ARL13B: variants seen among roughly 807,000 people sequenced by gnomAD.
ARL13B encodes the protein ADP-ribosylation factor-like protein 13B.
A neutral mutation model predicts 56.1 loss-of-function variants in ARL13B; 36 were observed. The observed-to-expected ratio is 0.64, with a 90% CI of 0.49 to 0.85. The LOEUF (loss-of-function observed/expected upper bound fraction) is 0.85, where lower values mean the gene tolerates loss of function less well. ARL13B is among the 40% of genes least tolerant of loss of function. The pLI, the probability that ARL13B is intolerant of heterozygous loss-of-function variation, is 0.00. For synonymous variants in ARL13B, 178 were observed against 171.1 expected (o/e 1.04, Z -0.32); for missense variants, 519 against 507.1 (o/e 1.02, Z -0.23).
chr3:94,036,835 CT>C, intron 5 of ARL13B, 81 bp downstream of exon 5: 2 of 1,445,328 alleles, frequency 1.4e-6, no homozygotes, highest in Non-Finnish European at 1.9e-6. Flanking sequence ...TTAGTTTTAT[CT>C]GTTCAGTTTC....
rs535380412 is a variant in ARL13B, at chr3:94,004,920, G to A, written c.380+1012G>A. On this transcript the variant is annotated intron_variant, in intron 3 of 9. Transcript: ENST00000394222. ...AGAGAGAACTTTGCAGAACCCCATA[G>A]GCTAAATTGGTGTTTACAGATGTTT... Among the ~76,000 whole-genome samples the A allele has an allele frequency of 3.3e-5, 5 of 152,158 alleles. No individual in the cohort carries two copies. In the East Asian group the frequency reaches 7.7e-4, roughly 24 times the overall value.
chr3:94,009,991 T>C (rs969659263), intron 3 of ARL13B, among the ~76,000 whole-genome samples: 4 of 152,108 alleles, frequency 2.6e-5, no homozygotes, highest in South Asian at 2.1e-4. Flanking sequence ...TAGCAAGATA[T>C]TGTCCATGGA....
At chr3:94,007,537 G>A (rs1459634025) in intron 3 of ARL13B, among the ~76,000 whole-genome samples, 4 of 152,168 alleles carry the variant, frequency 2.6e-5, no homozygotes, top group African/African-American at 9.7e-5. Flanking sequence ...GAGGCAAAAG[G>A]CACTTCTTAC....
chr3:93,980,320 T>C lies in ARL13B; in HGVS notation c.-104T>C, dbSNP rs567468494. On this transcript the variant is annotated 5_prime_UTR_variant, in exon 1 of 10. Coordinates refer to ENST00000394222, the MANE Select transcript of ARL13B (RefSeq NM_001174150.2). ...CCTCCCGGCTTTTCCTCCCGACTTATCCACTTTAGGGGCGTCTCGGAGTGC... is the reference window on the plus strand; with the variant it reads ...CCTCCCGGCTTTTCCTCCCGACTTACCCACTTTAGGGGCGTCTCGGAGTGC... The C allele has an allele frequency of 3.0e-4, 435 of 1,466,692 alleles. 1 individual carries two copies. The highest frequency in any genetic ancestry group is 5.4e-4 in the South Asian group (48 of 88,112). 90.9% of individuals were successfully genotyped at this position (1,466,692 alleles called of 1,614,324 possible). A position where few individuals can be genotyped will look rare whatever the true frequency, so the allele number is the denominator to read the frequency against.
intron 3 of ARL13B, among the ~76,000 whole-genome samples, chr3:94,030,772 ATATTT>A (rs1328273255): frequency 6.6e-6 from 1 of 152,176 alleles, no homozygotes; most frequent in African/African-American, 2.4e-5. Flanking sequence ...AGTAGTCTTA[ATATTT>A]AGTAATCATA....
chr3:94,020,957 A>G (rs566097503), intron 3 of ARL13B, among the ~76,000 whole-genome samples: 21 of 152,112 alleles, frequency 1.4e-4, no homozygotes, highest in Middle Eastern at 3.4e-3. Context: ...TTTATTGTCT[A>G]TATTCTACTT....
At chr3:94,032,200 A>G (rs2076688188) in intron 3 of ARL13B, among the ~76,000 whole-genome samples, 1 of 152,240 alleles carries the variant, frequency 6.6e-6, no homozygotes, top group South Asian at 2.1e-4. Context: ...ACTTACAAGG[A>G]AATCAACAAC....
At chr3:93,997,095 T>G (rs374983453) in intron 2 of ARL13B, among the ~76,000 whole-genome samples, 2 of 152,050 alleles carry the variant, frequency 1.3e-5, no homozygotes, top group Admixed American at 6.6e-5. Context: ...ACCATCTAGT[T>G]GCAGGAAAAC....
At chr3:94,016,638 A>G (rs1288619789) in intron 3 of ARL13B, among the ~76,000 whole-genome samples, 8 of 149,176 alleles carry the variant, frequency 5.4e-5, no homozygotes, top group African/African-American at 1.9e-4. Flanking sequence ...GATTTTAATT[A>G]ATTAAGCTTT....
rs758748412 is a variant in ARL13B at position 94,035,322 on chromosome 3, A to G, written c.381-9A>G. 3.8e-6 allele frequency: 6 copies of G among 1,568,334 alleles called. No individual in the cohort carries two copies. In the Admixed American group the frequency reaches 6.7e-5, roughly 18 times the overall value. On this transcript the variant is annotated splice_polypyrimidine_tract_variant and intron_variant, in intron 3 of 9. Coordinates refer to ENST00000394222, the MANE Select transcript of ARL13B (RefSeq NM_001174150.2). ...TATGCTGTATAAAAGTACTTTAATT[A>G]TCTTTCAGGTTGGCAAATAAACAAG...
At chr3:94,017,235 C>T (rs944356484) in intron 3 of ARL13B, among the ~76,000 whole-genome samples, 6 of 152,196 alleles carry the variant, frequency 3.9e-5, no homozygotes, top group African/African-American at 1.2e-4. Context: ...GTGTATACAG[C>T]TGTCTTCTAA....
At position 94,044,917 on chromosome 3, in the gene ARL13B, G is replaced by A. The variant is rs551663894; in HGVS notation, c.1024+1677G>A. 1.6e-4 allele frequency among the ~76,000 whole-genome samples: 25 copies of A among 152,128 alleles called. No individual in the cohort carries two copies. In the East Asian group the frequency reaches 2.7e-3, roughly 17 times the overall value. ...GTGAGGAGCGCCTCTGCCCGCCGCCGCATCTGGGAGGTGTACCCAACAGCT... is the reference window on the plus strand; with the variant it reads ...GTGAGGAGCGCCTCTGCCCGCCGCCACATCTGGGAGGTGTACCCAACAGCT... On this transcript the variant is annotated intron_variant, in intron 7 of 9. Coordinates refer to ENST00000394222, the MANE Select transcript of ARL13B (RefSeq NM_001174150.2).
At position 94,055,052 on chromosome 3, in the gene ARL13B, T is replaced by G; in HGVS notation, c.*1789T>G. ...ACTATAGTGTAGCTACTGGCTTCAT[T>G]TAATAAAAATAAATGATTTTGAAAT... On this transcript the variant is annotated 3_prime_UTR_variant, in exon 10 of 10. Coordinates refer to ENST00000394222, the MANE Select transcript of ARL13B (RefSeq NM_001174150.2). The G allele has an allele frequency of 2.8e-6, 1 of 357,434 alleles. No homozygotes were observed. The highest frequency in any genetic ancestry group is 2.3e-5 in the South Asian group (1 of 43,398). 22.1% of individuals were successfully genotyped at this position (357,434 alleles called of 1,614,324 possible).
At chr3:94,000,744 A>T (rs2076041542) in intron 2 of ARL13B, among the ~76,000 whole-genome samples, 1 of 152,130 alleles carries the variant, frequency 6.6e-6, no homozygotes, top group African/African-American at 2.4e-5. Context: ...TACTTAGCTT[A>T]TAAGAAATGC....
At chr3:93,996,547 G>A (rs1359624307) in intron 2 of ARL13B, 1 of 293,088 alleles carries the variant, frequency 3.4e-6, no homozygotes. Context: ...TAATTTATTA[G>A]GTCTTTTTTT....
rs1560022509 is a variant in ARL13B at position 94,055,119 on chromosome 3, AAATT to A, written c.*1861_*1864del. The A allele has an allele frequency of 5.4e-6, 2 of 367,382 alleles. No homozygotes were observed. The highest frequency in any genetic ancestry group is 5.2e-6 in the Non-Finnish European group (1 of 192,414). 22.8% of individuals were successfully genotyped at this position (367,382 alleles called of 1,614,324 possible). A position where few individuals can be genotyped will look rare whatever the true frequency, so the allele number is the denominator to read the frequency against. ...TTCACATTTTATATAGCTCTCTCAA[AAATT>A]AATTTTTATTCCTTAAGCATTTTAA... On this transcript the variant is annotated 3_prime_UTR_variant, in exon 10 of 10. Transcript: ENST00000394222.
chr3:94,045,645 T>C (rs948329509), intron 7 of ARL13B, among the ~76,000 whole-genome samples: 1 of 151,738 alleles, frequency 6.6e-6, no homozygotes, highest in Non-Finnish European at 1.5e-5. Flanking sequence ...GGTTAAAGAC[T>C]CATACTACCC....
chr3:93,980,565 G>C, intron 1 of ARL13B, 83 bp downstream of exon 1: 34 of 1,551,364 alleles, frequency 2.2e-5, no homozygotes, highest in Non-Finnish European at 3.0e-5. Flanking sequence ...TTTTCCCCGC[G>C]CCTGGACGAG....
chr3:94,021,749 T>G (rs1481120289), intron 3 of ARL13B, among the ~76,000 whole-genome samples: 2 of 152,216 alleles, frequency 1.3e-5, no homozygotes, highest in African/African-American at 4.8e-5. Context: ...TTTAGTGGTA[T>G]TTATGACTCC....
Sources: allele counts gnomAD v4.1 joint callset (sites outside exome capture counted in the v4.1 genomes callset), GRCh38; gene constraint gnomAD v4.1.1; transcripts MANE v1.5; gene names NCBI Gene and HGNC (gene_info 2026-07-23, HGNC 2026-07-21).